The following NEURL1 variants were observed in gnomAD, a reference collection of about 807,000 sequenced individuals.
NEURL1 encodes the protein neuralized E3 ubiquitin protein ligase 1, also known as E3 ubiquitin-protein ligase NEURL1.
A neutral mutation model predicts 41.2 loss-of-function variants in NEURL1; 26 were observed. The observed-to-expected ratio is 0.63, with a 90% confidence interval of 0.46 to 0.87. NEURL1 has a LOEUF of 0.87. Among genes scored for constraint, NEURL1 ranks in the 40% least tolerant of loss-of-function variants. The pLI is 0.00. For synonymous variants in NEURL1, 400 were observed against 402.3 expected (o/e 0.99, Z 0.07); for missense variants, 761 against 871.1 (o/e 0.87, Z 1.59).
intron 1 of NEURL1, chr10:103,511,898 T>C (rs1456137973): frequency 6.6e-6 from 1 of 152,254 alleles, no homozygotes; most frequent in African/African-American, 2.4e-5. Flanking sequence ...ATGGGCTGAT[T>C]CTGGGGAATT....
chr10:103,571,800 C>A lies in NEURL1; in HGVS notation c.627C>A (p.Leu209=), dbSNP rs564385325. 6.2e-7 allele frequency: 1 copy of A among 1,607,968 alleles called. No homozygotes were observed. Among genetic ancestry groups the A allele is most frequent in the South Asian group, 1.1e-5 (1 of 90,290 alleles). The change falls in exon 3 of 6, where the codon CTC becomes CTA. Residue 209 remains leucine, a synonymous_variant. Coordinates refer to ENST00000369780, the MANE Select transcript of NEURL1 (RefSeq NM_004210.5). ...GGGCCCTGGTGGACGTCTACGGCCT[C>A]ACGCGGGGCGTCCAGCTGCTTGGTG... ...PLWALVDVYG[L]TRGVQLLDSE...
intron 4 of NEURL1, chr10:103,588,624 G>A: frequency 2.8e-6 from 1 of 361,776 alleles, no homozygotes; most frequent in South Asian, 2.0e-5. Flanking sequence ...GAGAAGGAAG[G>A]AGGGAAAGAG....
In NEURL1 at chr10:103,494,173, C is replaced by T. The variant is rs3014203; in HGVS notation, c.-215C>T. On this transcript the variant is annotated 5_prime_UTR_variant, in exon 1 of 6. Transcript: ENST00000369780. ...GGGCATGGGAGGCAGGTAGCCCAGC[C>T]TGCGCCAGGACACCCGTGGCGGGCG... The T allele has an allele frequency of 0.85, 406,285 of 480,156 alleles. 172,934 individuals carry two copies. Among genetic ancestry groups the T allele is most frequent in the East Asian group, 1 (26,511 of 26,528 alleles). 29.7% of individuals were successfully genotyped at this position (480,156 alleles called of 1,614,324 possible). A position where few individuals can be genotyped will look rare whatever the true frequency, so the allele number is the denominator to read the frequency against.
At chr10:103,521,938 T>C (rs1046053784) in intron 1 of NEURL1, among the ~76,000 whole-genome samples, 1 of 109,788 alleles carries the variant, frequency 9.1e-6, no homozygotes, top group Non-Finnish European at 1.8e-5. Context: ...AGAGAGTCAG[T>C]GAAGAGATAG....
At chr10:103,582,407 CTG>C (rs1344819474) in intron 3 of NEURL1, among the ~76,000 whole-genome samples, 1 of 152,208 alleles carries the variant, frequency 6.6e-6, no homozygotes, top group African/African-American at 2.4e-5. Flanking sequence ...TGCACCATCA[CTG>C]TCACAGAGTC....
At chr10:103,510,081 A>G (rs1554888850) in intron 1 of NEURL1, among the ~76,000 whole-genome samples, 1 of 151,892 alleles carries the variant, frequency 6.6e-6, no homozygotes, top group Non-Finnish European at 1.5e-5. Context: ...TCTAGAGGAG[A>G]CTTCCTGGGG....
intron 1 of NEURL1, among the ~76,000 whole-genome samples, chr10:103,540,382 C>T (rs1024445009): frequency 2.6e-5 from 4 of 152,194 alleles, no homozygotes; most frequent in South Asian, 2.1e-4. Flanking sequence ...CTCTACCTCC[C>T]GAGTTCAAGT....
intron 1 of NEURL1, among the ~76,000 whole-genome samples, chr10:103,525,045 A>G (rs1230420373): frequency 1.3e-5 from 2 of 152,168 alleles, no homozygotes; most frequent in Non-Finnish European, 2.9e-5. Context: ...TGTTCACAAT[A>G]TTAATTCTTT....
chr10:103,559,090 T>C (rs2035225222), intron 1 of NEURL1, among the ~76,000 whole-genome samples: 1 of 152,096 alleles, frequency 6.6e-6, no homozygotes, highest in Non-Finnish European at 1.5e-5. Context: ...AGCCAGGACT[T>C]GTTCCTTCTG....
intron 1 of NEURL1, among the ~76,000 whole-genome samples, chr10:103,526,102 A>G (rs532710828): frequency 9.9e-5 from 15 of 152,184 alleles, no homozygotes; most frequent in Admixed American, 3.3e-4. Context: ...ATCATGGTGA[A>G]TCATCTTTTT....
chr10:103,578,191 T>C lies in NEURL1; in HGVS notation c.650-6345T>C, dbSNP rs117766124. ...CCTCCTCATTATTTGGGCATAATTATACACACCCCACTTACCTCACAGATG... is the reference window on the plus strand; with the variant it reads ...CCTCCTCATTATTTGGGCATAATTACACACACCCCACTTACCTCACAGATG... On this transcript the variant is annotated intron_variant, in intron 3 of 5. Coordinates refer to ENST00000369780, the MANE Select transcript of NEURL1 (RefSeq NM_004210.5). Among the ~76,000 whole-genome samples, 194 of 152,248 alleles carry C rather than the reference T, an allele frequency of 1.3e-3. 1 individual carries two copies. The highest frequency in any genetic ancestry group is 3.1e-3 in the South Asian group (15 of 4,828).
At chr10:103,551,721 ACAG>A (rs2035035672) in intron 1 of NEURL1, among the ~76,000 whole-genome samples, 1 of 152,204 alleles carries the variant, frequency 6.6e-6, no homozygotes, top group African/African-American at 2.4e-5. Context: ...TGAGGAAGTG[ACAG>A]GAGAGGGAAG....
intron 1 of NEURL1, among the ~76,000 whole-genome samples, chr10:103,504,752 GTTC>G (rs1161202170): frequency 5.9e-5 from 9 of 152,190 alleles, no homozygotes; most frequent in Non-Finnish European, 8.8e-5. Context: ...ATCTTTAACA[GTTC>G]TTCTCCACTA....
rs1407090303 is a variant in NEURL1, at chr10:103,591,371, A to G, written c.*999A>G. On this transcript the variant is annotated 3_prime_UTR_variant, in exon 6 of 6. Coordinates refer to ENST00000369780, the MANE Select transcript of NEURL1 (RefSeq NM_004210.5). ...GGAGGTGTGGGTTCCCTGGGCCAAGACCAGCCTTTTTCCTCAGTTTAATTA... is the reference window on the plus strand; with the variant it reads ...GGAGGTGTGGGTTCCCTGGGCCAAGGCCAGCCTTTTTCCTCAGTTTAATTA... 6.6e-6 allele frequency: 1 copy of G among 152,490 alleles called. No homozygotes were observed. Among genetic ancestry groups the G allele is most frequent in the Non-Finnish European group, 1.5e-5 (1 of 68,218 alleles). The allele number at this position is 152,490 out of a possible 1,614,324, so 9.4% of individuals were successfully genotyped here. A position where few individuals can be genotyped will look rare whatever the true frequency, so the allele number is the denominator to read the frequency against.
chr10:103,505,023 T>TA (rs2033914403), intron 1 of NEURL1, among the ~76,000 whole-genome samples: 2 of 150,574 alleles, frequency 1.3e-5, no homozygotes, highest in Non-Finnish European at 3.0e-5. Context: ...AATGTGCCAT[T>TA]AAAAAAATAA....
At chr10:103,561,328 C>T (rs1432941050) in intron 1 of NEURL1, among the ~76,000 whole-genome samples, 1 of 150,590 alleles carries the variant, frequency 6.6e-6, no homozygotes, top group Non-Finnish European at 1.5e-5. Context: ...GTGGTGTGAT[C>T]TCAGCTCACT....
rs2034904578 is a variant in NEURL1 at position 103,545,363 on chromosome 10, T to C, written c.86-25509T>C. On this transcript the variant is annotated intron_variant, in intron 1 of 5. Coordinates refer to ENST00000369780, the MANE Select transcript of NEURL1 (RefSeq NM_004210.5). This position sits in a 1 kb window ranked among gnomAD's most constrained non-coding sequence, Gnocchi z 4.5. Reference sequence around the variant, plus strand: ...GTCTTTAGGGACTAAAAGCCCCTGTTTGTGGGGCTATGAGATGTGAGGTTG... The same window carrying C: ...GTCTTTAGGGACTAAAAGCCCCTGTCTGTGGGGCTATGAGATGTGAGGTTG... Among the ~76,000 whole-genome samples, 1 of 152,122 alleles carries C rather than the reference T, an allele frequency of 6.6e-6. No individual in the cohort carries two copies. The highest frequency in any genetic ancestry group is 1.5e-5 in the Non-Finnish European group (1 of 68,010).
At chr10:103,534,176 C>A (rs1218734301) in intron 1 of NEURL1, among the ~76,000 whole-genome samples, 1 of 96,834 alleles carries the variant, frequency 1.0e-5, no homozygotes, top group Non-Finnish European at 2.2e-5. Context: ...GATTGTCTAT[C>A]TGTATTTTTT....
intron 3 of NEURL1, among the ~76,000 whole-genome samples, chr10:103,576,350 C>T (rs769414336): frequency 2.0e-5 from 3 of 151,936 alleles, no homozygotes; most frequent in Admixed American, 6.6e-5. Context: ...GGGGAATTGG[C>T]GGTCAGTAGG....
Sources: gnomAD v4.1 joint callset for allele counts (sites outside exome capture counted in the v4.1 genomes callset) on GRCh38, gnomAD v4.1.1 for gene constraint, Gnocchi (gnomAD v3.1) non-coding constraint, MANE v1.5 for transcripts, NCBI Gene and HGNC (gene_info 2026-07-23, HGNC 2026-07-21) for gene names.